Variants in DLGAP2 observed in about 807,000 individuals in gnomAD.
The protein encoded by DLGAP2 is disks large-associated protein 2.
DLGAP2 carries 26 observed loss-of-function variants against 100.3 expected under a neutral mutation model. The observed-to-expected ratio is 0.26, with a 90% confidence interval of 0.19 to 0.36. The LOEUF is 0.36. Ranked by LOEUF, DLGAP2 falls within the 10% of genes least tolerant of loss-of-function variation. DLGAP2 has a pLI of 1.00. For synonymous variants in DLGAP2, 886 were observed against 630.1 expected, an observed-to-expected ratio of 1.41 and a Z score of -6.08; for missense variants, 1,858 against 1,453.2, an observed-to-expected ratio of 1.28 and a Z score of -4.53.
At chr8:801,927 A>G (rs1203224791) in intron 1 of DLGAP2, among the ~76,000 whole-genome samples, 2 of 45,934 alleles carry the variant, frequency 4.4e-5, no homozygotes, top group African/African-American at 6.6e-5. Context: ...GTGGCCATTC[A>G]GTGAACACTG....
At chr8:1,308,196 G>A (rs1266572316) in intron 3 of DLGAP2, among the ~76,000 whole-genome samples, 1 of 152,222 alleles carries the variant, frequency 6.6e-6, no homozygotes, top group Non-Finnish European at 1.5e-5. Flanking sequence ...AACGCCTGCA[G>A]AGAATGGGAA....
In DLGAP2 at chr8:1,564,613, T is replaced by C. The variant is rs77865189; in HGVS notation, c.1231-1070T>C. Among the ~76,000 whole-genome samples, 835 of 152,344 alleles carry C rather than the reference T, an allele frequency of 5.5e-3. 9 individuals are homozygous for C. The highest frequency in any genetic ancestry group is 0.019 in the African/African-American group (790 of 41,576). Reference sequence around the variant, plus strand: ...TAACAGGCATAGGTGCTCACCTCTGTGCCAGGCAGATGTATAACATGCACA... The same window carrying C: ...TAACAGGCATAGGTGCTCACCTCTGCGCCAGGCAGATGTATAACATGCACA... On this transcript the variant is annotated intron_variant, in intron 5 of 14. Transcript: ENST00000637795.
intron 2 of DLGAP2, among the ~76,000 whole-genome samples, chr8:1,236,174 C>CTCTCTCACACAGAGCATCGTGTCTAGT (rs1237522383): frequency 0.024 from 1,914 of 80,786 alleles, 97 homozygotes; most frequent in Middle Eastern, 0.056. Flanking sequence ...TTGTCTAGTT[C>CTCTCTCACACAGAGCATCGTGTCTAGT]TCTCTCACAC....
chr8:1,209,345 T>C (rs1798058763), intron 2 of DLGAP2, among the ~76,000 whole-genome samples: 3 of 151,794 alleles, frequency 2.0e-5, no homozygotes, highest in African/African-American at 7.3e-5. Flanking sequence ...AGAAATAGAG[T>C]GTAATTTTTC....
chr8:1,192,681 T>A (rs1017465213), intron 2 of DLGAP2, among the ~76,000 whole-genome samples: 12 of 151,506 alleles, frequency 7.9e-5, no homozygotes, highest in Admixed American at 3.9e-4. Context: ...TTTTTTTAAT[T>A]ATTATTATAC....
At chr8:887,758 C>G (rs1435681286) in intron 1 of DLGAP2, among the ~76,000 whole-genome samples, 1 of 152,104 alleles carries the variant, frequency 6.6e-6, no homozygotes, top group Admixed American at 6.5e-5. Flanking sequence ...GTCTGATGGG[C>G]TTCCCTTTGT....
chr8:1,429,698 C>T (rs945294491), intron 3 of DLGAP2, among the ~76,000 whole-genome samples: 1 of 151,890 alleles, frequency 6.6e-6, no homozygotes, highest in Non-Finnish European at 1.5e-5. Flanking sequence ...GCAGCAGGCA[C>T]ATGGCACAAC....
intron 3 of DLGAP2, among the ~76,000 whole-genome samples, chr8:1,493,883 T>G (rs576378839): frequency 1.3e-5 from 2 of 152,302 alleles, no homozygotes; most frequent in Non-Finnish European, 2.9e-5. Context: ...GTTTTATGGT[T>G]TGGGGTTTTG....
chr8:1,069,536 T>C (rs1803364725), intron 2 of DLGAP2, among the ~76,000 whole-genome samples: 1 of 152,266 alleles, frequency 6.6e-6, no homozygotes, highest in Non-Finnish European at 1.5e-5. Context: ...GGGAGAACAG[T>C]GGGACCTGCA....
intron 12 of DLGAP2, among the ~76,000 whole-genome samples, 195 bp from the exon 13 acceptor site, chr8:1,691,340 C>T (rs996098234): frequency 5.3e-5 from 8 of 152,174 alleles, no homozygotes; most frequent in African/African-American, 1.9e-4. Context: ...GACATCTGGT[C>T]ATCTCTGGAT....
At chr8:1,342,902 T>G (rs1801451686) in intron 3 of DLGAP2, among the ~76,000 whole-genome samples, 1 of 152,186 alleles carries the variant, frequency 6.6e-6, no homozygotes. Context: ...CTGCCGTCTT[T>G]GCCGTGAGAC....
chr8:1,421,512 T>C (rs571910052), intron 3 of DLGAP2, among the ~76,000 whole-genome samples: 67 of 152,348 alleles, frequency 4.4e-4, no homozygotes, highest in Middle Eastern at 3.4e-3. Flanking sequence ...CTTTCTATAA[T>C]ACCACAGTAT....
intron 3 of DLGAP2, among the ~76,000 whole-genome samples, chr8:1,385,010 G>C (rs377702107): frequency 1.1e-5 from 1 of 93,462 alleles, no homozygotes; most frequent in African/African-American, 4.2e-5. Context: ...CCCGGCCTAT[G>C]CCCGGCCCCT....
chr8:1,277,311 T>C (rs769385856), intron 3 of DLGAP2, among the ~76,000 whole-genome samples: 1 of 152,198 alleles, frequency 6.6e-6, no homozygotes, highest in Admixed American at 6.5e-5. Context: ...GTAACTGTAT[T>C]TTTTTGTTGT....
intron 4 of DLGAP2, among the ~76,000 whole-genome samples, chr8:1,532,040 G>A (rs144442192): frequency 5.0e-4 from 76 of 152,298 alleles, no homozygotes; most frequent in African/African-American, 1.8e-3. Context: ...GTCATAGGAA[G>A]GTGAGAGACA....
intron 2 of DLGAP2, among the ~76,000 whole-genome samples, chr8:935,568 C>G (rs2129004192): frequency 6.6e-6 from 1 of 152,310 alleles, no homozygotes; most frequent in South Asian, 2.1e-4. Context: ...CATGTGCTCA[C>G]ACTGTATTTC....
chr8:1,174,557 A>T (rs1201724156), intron 2 of DLGAP2, among the ~76,000 whole-genome samples: 1 of 140,038 alleles, frequency 7.1e-6, no homozygotes, highest in Non-Finnish European at 1.6e-5. Flanking sequence ...CACCAAAGTC[A>T]TTATTACCAT....
At chr8:1,388,876 G>A (rs553470020) in intron 3 of DLGAP2, among the ~76,000 whole-genome samples, 1 of 133,538 alleles carries the variant, frequency 7.5e-6, no homozygotes, top group Non-Finnish European at 1.6e-5. Context: ...TGGATGGGGA[G>A]GCGCTGGTTC....
intron 4 of DLGAP2, among the ~76,000 whole-genome samples, chr8:1,542,927 G>A (rs1418184877): frequency 6.6e-6 from 1 of 152,244 alleles, no homozygotes; most frequent in South Asian, 2.1e-4. Context: ...GAGTGGTACC[G>A]CACTGTGGTT....
Sources: gnomAD v4.1 joint callset for allele counts (sites outside exome capture counted in the v4.1 genomes callset) on GRCh38, gnomAD v4.1.1 for gene constraint, MANE v1.5 for transcripts, NCBI Gene and HGNC (gene_info 2026-07-23, HGNC 2026-07-21) for gene names.